The following LRP1B variants were observed in gnomAD, a reference collection of about 807,000 sequenced individuals.
LRP1B encodes the protein LDL receptor related protein 1B, also known as low-density lipoprotein receptor-related protein 1B.
LRP1B carries 217 observed loss-of-function variants against 556.6 expected under a neutral mutation model. The observed-to-expected ratio is 0.39, with a 90% CI of 0.35 to 0.44. LRP1B has a LOEUF of 0.44. Among genes scored for constraint, LRP1B ranks in the 20% least tolerant of loss-of-function variants. The pLI, the probability that LRP1B is intolerant of heterozygous loss-of-function variation, is 1.00. For synonymous variants in LRP1B, 2,047 were observed against 1,865.8 expected (o/e 1.10, Z -2.50); for missense variants, 5,053 against 5,620.8 (o/e 0.90, Z 3.23).
Position 140,358,050 on chromosome 2 carries a change from A to G in LRP1B, c.11324T>C (p.Ile3775Thr), listed in dbSNP as rs746172307. The G allele has an allele frequency of 6.2e-7, 1 of 1,611,416 alleles. No homozygotes were observed. Among genetic ancestry groups the G allele is most frequent in the African/African-American group, 1.3e-5 (1 of 74,718 alleles). Residue 3775 changes from isoleucine (I) to threonine (T), a missense_variant, in exon 74 of 91, where the codon ATC (isoleucine) becomes ACC (threonine). Transcript: ENST00000389484. ...TCGATCACACTGGAGATCCATAGGG[A>G]TGCATTTTTTATTACTACAAGCAAA... ...DEFACSNKKCIPMDLQCDRLD... is the reference protein window; with the variant it reads ...DEFACSNKKCTPMDLQCDRLD...
chr2:140,884,409 T>C lies in LRP1B; in HGVS notation c.3965-388A>G, dbSNP rs924247654. Among the ~76,000 whole-genome samples, 5 of 152,298 alleles carry C rather than the reference T, an allele frequency of 3.3e-5. No homozygotes were observed. In the East Asian group the frequency reaches 9.7e-4, roughly 29 times the overall value. On this transcript the variant is annotated intron_variant, in intron 24 of 90. Transcript: ENST00000389484. ...CAGTGCAACTTAACTCAAATGTTGA[T>C]CTTCAAGAGTAGAATAAAATCAAAA...
At chr2:141,211,289 A>G (rs1449173743) in intron 6 of LRP1B, among the ~76,000 whole-genome samples, 3 of 146,870 alleles carry the variant, frequency 2.0e-5, no homozygotes, top group Non-Finnish European at 4.5e-5. Flanking sequence ...TGCCCAGCCC[A>G]TTTTTCTTTT....
In LRP1B at chr2:140,495,616, C is replaced by T. The variant is rs2104873128; in HGVS notation, c.8983G>A (p.Asp2995Asn). Residue 2995 changes from aspartate (D) to asparagine (N), a missense_variant, in exon 56 of 91, where the codon GAT (aspartate) becomes AAT (asparagine). By Grantham distance (23) the Asp-to-Asn change is conservative. Around this residue, in one of 5 missense-constraint regions of LRP1B, gnomAD observed 3,619 missense variants for 3,931.9 expected, o/e 0.92. Coordinates refer to ENST00000389484, the MANE Select transcript of LRP1B (RefSeq NM_018557.3). ...TTATCAGGTTGTATTTCATACCCATCTGTACAGAGGCACTTGTAAGTCCCG... is the reference window on the plus strand; with the variant it reads ...TTATCAGGTTGTATTTCATACCCATTTGTACAGAGGCACTTGTAAGTCCCG... ...TYGTYKCLCT[D>N]GYEIQPDNPN... 1 of 1,611,724 alleles carries T rather than the reference C, an allele frequency of 6.2e-7. No individual in the cohort carries two copies. The highest frequency in any genetic ancestry group is 8.5e-7 in the Non-Finnish European group (1 of 1,178,278).
At chr2:140,501,947 C>A (rs2104892611) in intron 54 of LRP1B, 73 bp from the exon 55 acceptor site, 1 of 1,024,836 alleles carries the variant, frequency 9.8e-7, no homozygotes, top group Non-Finnish European at 1.4e-6. Context: ...TGAAAACATT[C>A]ACAAATATCA....
chr2:140,427,575 AT>A (rs1685715834), intron 66 of LRP1B, among the ~76,000 whole-genome samples: 1 of 152,174 alleles, frequency 6.6e-6, no homozygotes, highest in Admixed American at 6.5e-5. Context: ...CAATTTTTCC[AT>A]CCTACAAGAT....
chr2:140,287,932 A>T (rs1025981952), intron 84 of LRP1B, among the ~76,000 whole-genome samples: 9 of 151,850 alleles, frequency 5.9e-5, no homozygotes, highest in Non-Finnish European at 1.3e-4. Flanking sequence ...GTAGTGGATT[A>T]AAAAATGTCT....
chr2:141,421,828 A>T (rs942546163), intron 3 of LRP1B, among the ~76,000 whole-genome samples: 3 of 152,132 alleles, frequency 2.0e-5, no homozygotes, highest in African/African-American at 4.8e-5. Flanking sequence ...GAACGTACCA[A>T]TGATCTCATT....
intron 1 of LRP1B, among the ~76,000 whole-genome samples, chr2:142,032,310 C>T (rs1703738751): frequency 6.6e-6 from 1 of 151,894 alleles, no homozygotes; most frequent in Admixed American, 6.6e-5. Flanking sequence ...CACCAATGCT[C>T]TTGATCCCAT....
intron 1 of LRP1B, among the ~76,000 whole-genome samples, chr2:141,942,447 T>C (rs1366065477): frequency 6.6e-6 from 1 of 152,014 alleles, no homozygotes; most frequent in Non-Finnish European, 1.5e-5. Context: ...TCAATTTCCC[T>C]GAAACACAGT....
rs145987017 is a variant in LRP1B at position 141,889,644 on chromosome 2, C to T, written c.83-79243G>A. 5.7e-4 allele frequency among the ~76,000 whole-genome samples: 87 copies of T among 152,228 alleles called. No individual in the cohort carries two copies. The East Asian group carries it at 0.016, about 28-fold the overall frequency. On this transcript the variant is annotated intron_variant, in intron 1 of 90. Transcript: ENST00000389484. ...ATCGTCTTATCTCCAGGGTTTCACA[C>T]AGTGACTGTCACACTTTGCATAATC...
At chr2:140,433,891 T>C (rs914206715) in intron 66 of LRP1B, among the ~76,000 whole-genome samples, 12 of 151,790 alleles carry the variant, frequency 7.9e-5, no homozygotes, top group Non-Finnish European at 1.8e-4. Context: ...AAAAGGAACA[T>C]TTAAATACTG....
At chr2:141,261,190 C>CAG (rs1432265712) in intron 3 of LRP1B, among the ~76,000 whole-genome samples, 7 of 152,076 alleles carry the variant, frequency 4.6e-5, no homozygotes, top group Non-Finnish European at 5.9e-5. Context: ...AGCTGGTTTG[C>CAG]AGAGATCAGG....
chr2:141,032,941 T>C (rs1698419508), intron 11 of LRP1B, among the ~76,000 whole-genome samples: 1 of 151,426 alleles, frequency 6.6e-6, no homozygotes, highest in Non-Finnish European at 1.5e-5. Context: ...CACACAGGCA[T>C]GCACATCCCC....
intron 1 of LRP1B, among the ~76,000 whole-genome samples, chr2:142,117,637 GAGAA>G (rs1013191332): frequency 6.6e-6 from 1 of 151,998 alleles, no homozygotes; most frequent in Non-Finnish European, 1.5e-5. Context: ...GAGAGAGAGA[GAGAA>G]AGAGAGAGTC....
chr2:141,546,265 GA>G (rs918789594), intron 2 of LRP1B, among the ~76,000 whole-genome samples: 91 of 152,220 alleles, frequency 6.0e-4, no homozygotes, highest in African/African-American at 2.1e-3. Context: ...TCTGCTGGGG[GA>G]GGCATGTAGG....
At chr2:140,700,077 C>A (rs1465974029) in intron 41 of LRP1B, among the ~76,000 whole-genome samples, 173 bp downstream of exon 41, 2 of 96,532 alleles carry the variant, frequency 2.1e-5, no homozygotes, top group South Asian at 3.5e-4. Flanking sequence ...TTAATTGCTT[C>A]TTTGACATTT....
chr2:140,346,024 T>C (rs1681661167), intron 77 of LRP1B, among the ~76,000 whole-genome samples: 1 of 151,076 alleles, frequency 6.6e-6, no homozygotes, highest in Non-Finnish European at 1.5e-5. Flanking sequence ...AAACAAACAA[T>C]TGGAATTTTC....
chr2:141,407,886 C>G (rs1690699420), intron 3 of LRP1B, among the ~76,000 whole-genome samples: 1 of 152,084 alleles, frequency 6.6e-6, no homozygotes, highest in African/African-American at 2.4e-5. Context: ...CTTTATATTA[C>G]AAAATTCAGA....
At chr2:141,495,652 C>T (rs1683483846) in intron 2 of LRP1B, among the ~76,000 whole-genome samples, 1 of 151,900 alleles carries the variant, frequency 6.6e-6, no homozygotes, top group African/African-American at 2.4e-5. Flanking sequence ...AATTCAATAC[C>T]TTTACTACAT....
Sources: allele counts gnomAD v4.1 joint callset (sites outside exome capture counted in the v4.1 genomes callset), GRCh38; gene constraint gnomAD v4.1.1; regional missense constraint gnomAD v4.1.1; transcripts MANE v1.5; gene names NCBI Gene and HGNC (gene_info 2026-07-23, HGNC 2026-07-21).